The following MIGA2 variants were observed in gnomAD, a reference collection of about 807,000 sequenced individuals.
The protein encoded by MIGA2 is family with sequence similarity 73, member B.
A neutral mutation model predicts 69.9 loss-of-function variants in MIGA2; 36 were observed. The ratio of observed to expected loss-of-function variants is 0.52; its 90% CI spans 0.39 to 0.68. The LOEUF is 0.68. MIGA2 is among the 30% of genes least tolerant of loss of function. The probability of loss-of-function intolerance (pLI) is 0.00; values close to 1 mark genes in which losing one functional copy is unlikely to be tolerated. For synonymous variants in MIGA2, 333 were observed against 349.2 expected, an observed-to-expected ratio of 0.95 and a Z score of 0.52; for missense variants, 660 against 787.7, an observed-to-expected ratio of 0.84 and a Z score of 1.94.
At chr9:129,064,332 G>A (rs139738179) in intron 11 of MIGA2, among the ~76,000 whole-genome samples, 2,640 of 151,520 alleles carry the variant, frequency 0.017, 77 homozygotes, top group African/African-American at 0.061. Flanking sequence ...TCAGCCTCCC[G>A]AGTAGCTGGG....
At position 129,063,581 on chromosome 9, in the gene MIGA2, G is replaced by T. The variant is rs556595522; in HGVS notation, c.1120G>T (p.Gly374Trp). 6.2e-7 allele frequency: 1 copy of T among 1,613,308 alleles called. No homozygotes were observed. Among genetic ancestry groups the T allele is most frequent in the African/African-American group, 1.3e-5 (1 of 74,740 alleles). Reference protein sequence around the residue: ...LEDKSNQLFFGKVGRQMVTGL... With the variant: ...LEDKSNQLFFWKVGRQMVTGL... ...AGACAAGAGTAACCAGCTTTTCTTC[G>T]GGAAAGTGGGCCGACAGATGGTGAC... Residue 374 changes from glycine to tryptophan, a missense_variant, in exon 11 of 16, where the codon GGG (glycine) becomes TGG (tryptophan). By Grantham distance (184) the Gly-to-Trp change is radical. Transcript: ENST00000684074.
rs1270230157 is a variant in MIGA2 at position 129,068,205 on chromosome 9, G to A, written c.1277G>A (p.Cys426Tyr). 4 of 1,613,708 alleles carry A rather than the reference G, an allele frequency of 2.5e-6. No individual in the cohort carries two copies. The highest frequency in any genetic ancestry group is 2.7e-5 in the African/African-American group (2 of 74,940). ...CGGGGGCACCCTCTGTAGGTGGTAT[G>A]CATGAGCTTCTTCGACATCGTGCTG... The part of the protein sequence containing the change: ...RLELEGRGVV[C>Y]MSFFDIVLDF... Residue 426 changes from cysteine (C) to tyrosine (Y), a missense_variant, in exon 13 of 16, where the codon TGC becomes TAC. Transcript: ENST00000684074. This position sits in a 1 kb window ranked among gnomAD's most constrained non-coding sequence, Gnocchi z 4.1.
chr9:129,063,636 C>CGGGG lies in MIGA2; in HGVS notation c.1170+5_1170+6insGGGG. On this transcript the variant is annotated splice_donor_region_variant and intron_variant, in intron 11 of 15. Transcript: ENST00000684074. The stretch of plus-strand genomic sequence containing the variant: ...CTGATGACCAAGGCTGAGAAGGTAG[C>CGGGG]AGGGGGTGGGGTGGGGGGGCAAATT... 6.7e-6 allele frequency: 4 copies of CGGGG among 599,952 alleles called. No homozygotes were observed. The highest frequency in any genetic ancestry group is 2.5e-5 in the Admixed American group (1 of 40,622). 37.2% of individuals were successfully genotyped at this position (599,952 alleles called of 1,614,324 possible).
chr9:129,070,159 G>C, intron 15 of MIGA2, 88 bp from the exon 16 acceptor site: 1 of 1,468,894 alleles, frequency 6.8e-7, no homozygotes, highest in Non-Finnish European at 9.4e-7. Flanking sequence ...TGGGGCTCTG[G>C]TGGTGGACAA....
chr9:129,041,491 C>A (rs931189692), intron 2 of MIGA2, among the ~76,000 whole-genome samples: 1 of 151,532 alleles, frequency 6.6e-6, no homozygotes, highest in Non-Finnish European at 1.5e-5. Flanking sequence ...AAGACTCCGT[C>A]TCAAAAAAAA....
chr9:129,063,365 A>T, intron 10 of MIGA2, 49 bp downstream of exon 10: 1 of 1,609,864 alleles, frequency 6.2e-7, no homozygotes, highest in Non-Finnish European at 8.5e-7. Flanking sequence ...AGGGGTAGTC[A>T]GGCTGGCCAT....
chr9:129,060,664 G>T lies in MIGA2; in HGVS notation c.894+14G>T. Reference sequence around the variant, plus strand: ...TCCGCCACCGAGGTGACTCGGGGTGGGGACCAAGCCTGGGGTGGGGTGAAG... The same window carrying T: ...TCCGCCACCGAGGTGACTCGGGGTGTGGACCAAGCCTGGGGTGGGGTGAAG... On this transcript the variant is annotated intron_variant, in intron 8 of 15. Transcript: ENST00000684074. The surrounding 1 kb of genome is among the most constrained non-coding windows in gnomAD (Gnocchi z 4.8). The T allele has an allele frequency of 6.4e-7, 1 of 1,567,250 alleles. No homozygotes were observed.
chr9:129,054,994 C>G (rs764379557), intron 6 of MIGA2, among the ~76,000 whole-genome samples: 1 of 152,006 alleles, frequency 6.6e-6, no homozygotes, highest in Non-Finnish European at 1.5e-5. Context: ...CAGGTTCAAA[C>G]GATTCTCCTG....
chr9:129,058,309 G>A (rs1054338415), intron 6 of MIGA2, among the ~76,000 whole-genome samples: 8 of 151,620 alleles, frequency 5.3e-5, no homozygotes, highest in African/African-American at 1.2e-4. Context: ...AAGCAGAGAC[G>A]GAAGGATCAC....
In MIGA2 at chr9:129,042,417, G is replaced by T. The variant is rs1410799661; in HGVS notation, c.210G>T (p.Arg70Ser). The change falls in exon 3 of 16, where the codon AGG becomes AGT. Residue 70 changes from arginine (R) to serine (S), a missense_variant. By Grantham distance (110) the Arg-to-Ser change is moderately radical. Transcript: ENST00000684074. ...CCCACCAGCTGAAGAGGCGACGGAG[G>T]AGGAAGAAGCAGGTTGGTCCCGAGA... The part of the protein sequence containing the change: ...LAAHQLKRRR[R>S]RKKQVGPEMG... The T allele has an allele frequency of 6.2e-7, 1 of 1,613,612 alleles. No homozygotes were observed. Among genetic ancestry groups the T allele is most frequent in the East Asian group, 2.2e-5 (1 of 44,876 alleles).
Position 129,051,757 on chromosome 9 carries a change from C to T in MIGA2, c.675+1794C>T, listed in dbSNP as rs1178141397. Among the ~76,000 whole-genome samples, 9 of 150,676 alleles carry T rather than the reference C, an allele frequency of 6.0e-5. No homozygotes were observed. The South Asian group carries it at 6.3e-4, about 11-fold the overall frequency. ...GACTACAGGTGCCTGCCACCATGCC[C>T]GGCTAATTTTTTGTATTTTTTAGTA... On this transcript the variant is annotated intron_variant, in intron 6 of 15. Coordinates refer to ENST00000684074, the MANE Select transcript of MIGA2 (RefSeq NM_001329990.2).
chr9:129,047,958 G>A (rs574827020), intron 3 of MIGA2, among the ~76,000 whole-genome samples: 2 of 151,232 alleles, frequency 1.3e-5, no homozygotes, highest in Admixed American at 6.6e-5. Flanking sequence ...TGAACTCCTG[G>A]GCTCAAGCAG....
chr9:129,054,304 G>T (rs1025920114), intron 6 of MIGA2, among the ~76,000 whole-genome samples: 8 of 151,836 alleles, frequency 5.3e-5, no homozygotes, highest in African/African-American at 1.9e-4. Context: ...AAATTAAAAA[G>T]TTAGTTGGGC....
chr9:129,060,759 G>A lies in MIGA2; in HGVS notation c.894+109G>A. The A allele has an allele frequency of 1.1e-6, 1 of 949,934 alleles. No individual in the cohort carries two copies. Among genetic ancestry groups the A allele is most frequent in the Non-Finnish European group, 1.6e-6 (1 of 634,780 alleles). The allele number at this position is 949,934 out of a possible 1,614,324, so 58.8% of individuals were successfully genotyped here. On this transcript the variant is annotated intron_variant, in intron 8 of 15. Coordinates refer to ENST00000684074, the MANE Select transcript of MIGA2 (RefSeq NM_001329990.2). This position sits in a 1 kb window ranked among gnomAD's most constrained non-coding sequence, Gnocchi z 4.8. ...GGAAAGTGGAGGCATTTCCTCTGAT[G>A]GGAGAATTTGGATGCTCCCACGGGC...
intron 11 of MIGA2, among the ~76,000 whole-genome samples, chr9:129,065,385 G>T (rs1028949570): frequency 1.3e-5 from 2 of 150,514 alleles, no homozygotes; most frequent in Non-Finnish European, 3.0e-5. Flanking sequence ...TTGCCATGTT[G>T]TCCGGGCTGG....
intron 11 of MIGA2, among the ~76,000 whole-genome samples, chr9:129,067,135 CA>C (rs774512522): frequency 8.4e-3 from 435 of 52,014 alleles, no homozygotes; most frequent in African/African-American, 0.019. Context: ...GACTCCATCT[CA>C]AAAAAAAAAA....
At position 129,060,584 on chromosome 9, in the gene MIGA2, G is replaced by C. The variant is rs1236110189; in HGVS notation, c.828G>C (p.Ser276=). Residue 276 remains serine (S), a synonymous_variant, in exon 8 of 16, where the codon TCG becomes TCC. Coordinates refer to ENST00000684074, the MANE Select transcript of MIGA2 (RefSeq NM_001329990.2). This position sits in a 1 kb window ranked among gnomAD's most constrained non-coding sequence, Gnocchi z 4.8. ...TCATGCTGCCCCTGACCGAGGGCTCGCTGCGGCTGCGGGCGGACGATGAGG... is the reference window on the plus strand; with the variant it reads ...TCATGCTGCCCCTGACCGAGGGCTCCCTGCGGCTGCGGGCGGACGATGAGG... ...RTLMLPLTEG[S]LRLRADDEDS... 3.1e-6 allele frequency: 5 copies of C among 1,605,778 alleles called. No homozygotes were observed. The highest frequency in any genetic ancestry group is 4.5e-5 in the East Asian group (2 of 44,656).
chr9:129,063,163 C>T, intron 9 of MIGA2, 81 bp from the exon 10 acceptor site: 1 of 1,452,768 alleles, frequency 6.9e-7, no homozygotes, highest in Middle Eastern at 1.9e-4. Flanking sequence ...CCTCCCCCCT[C>T]CCCACCCAGG....
chr9:129,067,484 A>G lies in MIGA2; in HGVS notation c.1171-289A>G, dbSNP rs950603429. 2.2e-5 allele frequency: 9 copies of G among 408,072 alleles called. No individual in the cohort carries two copies. In the East Asian group the frequency reaches 3.1e-4, roughly 14 times the overall value. The allele number at this position is 408,072 out of a possible 1,614,324, so 25.3% of individuals were successfully genotyped here. On this transcript the variant is annotated intron_variant, in intron 11 of 15. Coordinates refer to ENST00000684074, the MANE Select transcript of MIGA2 (RefSeq NM_001329990.2). The stretch of plus-strand genomic sequence containing the variant: ...TTTGAACCTTCAGCTGCCTGACTCT[A>G]ACCCTCACATTCTGTGTCCCTCCAA...
Sources: gnomAD v4.1 joint callset for allele counts (sites outside exome capture counted in the v4.1 genomes callset) on GRCh38, gnomAD v4.1.1 for gene constraint, Gnocchi (gnomAD v3.1) non-coding constraint, MANE v1.5 for transcripts, NCBI Gene and HGNC (gene_info 2026-07-23, HGNC 2026-07-21) for gene names.